The following NRXN1 variants were observed in gnomAD, a reference collection of about 807,000 sequenced individuals.
NRXN1 encodes the protein neurexin-1.
NRXN1 carries 39 observed loss-of-function variants against 150.9 expected under a neutral mutation model. The ratio of observed to expected loss-of-function variants is 0.26; its 90% CI spans 0.20 to 0.34. NRXN1 has a LOEUF of 0.34. Among genes scored for constraint, NRXN1 ranks in the 10% least tolerant of loss-of-function variants. The probability of loss-of-function intolerance (pLI) is 1.00; values close to 1 mark genes in which losing one functional copy is unlikely to be tolerated. For synonymous variants in NRXN1, 924 were observed against 757.0 expected (o/e 1.22, Z -3.62); for missense variants, 1,815 against 1,949.9 (o/e 0.93, Z 1.30).
intron 5 of NRXN1, among the ~76,000 whole-genome samples, chr2:50,803,564 G>T (rs891226135): frequency 2.0e-5 from 3 of 152,106 alleles, no homozygotes; most frequent in Admixed American, 6.5e-5. Context: ...TTCTAAGTTG[G>T]TTTAAATGCT....
At chr2:50,156,939 T>C (rs2059057899) in intron 18 of NRXN1, among the ~76,000 whole-genome samples, 1 of 152,034 alleles carries the variant, frequency 6.6e-6, no homozygotes, top group Non-Finnish European at 1.5e-5. Context: ...AAAAGAACAA[T>C]AACAACTAAT....
intron 8 of NRXN1, among the ~76,000 whole-genome samples, chr2:50,577,220 T>C (rs1416885503): frequency 6.6e-6 from 1 of 152,144 alleles, no homozygotes; most frequent in Non-Finnish European, 1.5e-5. Context: ...ACGTAAAAGA[T>C]TAAATTAGAA....
At position 50,504,772 on chromosome 2, in the gene NRXN1, A is replaced by C. The variant is rs149485186; in HGVS notation, c.2497+1723T>G. Among the ~76,000 whole-genome samples the C allele has an allele frequency of 1.8e-3, 278 of 152,304 alleles. 1 individual carries two copies. Among genetic ancestry groups the C allele is most frequent in the African/African-American group, 6.4e-3 (266 of 41,570 alleles). On this transcript the variant is annotated intron_variant, in intron 13 of 22. Transcript: ENST00000401669. ...CCTGAAAGTCTACGAAATATAAACT[A>C]CTTCATCTAGACCATCAAGTCATTG...
At chr2:50,613,212 A>G (rs1272447287) in intron 8 of NRXN1, among the ~76,000 whole-genome samples, 2 of 152,198 alleles carry the variant, frequency 1.3e-5, no homozygotes, top group African/African-American at 4.8e-5. Flanking sequence ...TGCCTATTCT[A>G]GATGGGCTAA....
chr2:50,243,010 G>A (rs1355625457), intron 17 of NRXN1, among the ~76,000 whole-genome samples: 1 of 151,768 alleles, frequency 6.6e-6, no homozygotes, highest in African/African-American at 2.4e-5. Flanking sequence ...AAGCTTTATG[G>A]AAATAGTTAA....
At chr2:50,001,233 C>T (rs566172034) in intron 21 of NRXN1, among the ~76,000 whole-genome samples, 3 of 152,156 alleles carry the variant, frequency 2.0e-5, no homozygotes, top group African/African-American at 7.2e-5. Flanking sequence ...CTTTATCTCA[C>T]AGAGAGGTTA....
chr2:51,011,225 G>A (rs1667806841), intron 2 of NRXN1, among the ~76,000 whole-genome samples: 2 of 151,774 alleles, frequency 1.3e-5, no homozygotes, highest in African/African-American at 4.8e-5. Flanking sequence ...TACTTGTTTT[G>A]TTTGACCATT....
intron 8 of NRXN1, among the ~76,000 whole-genome samples, chr2:50,555,855 G>A (rs1026387999): frequency 6.6e-6 from 1 of 152,068 alleles, no homozygotes; most frequent in African/African-American, 2.4e-5. Context: ...CCCATGCATT[G>A]GGAAATTTCA....
intron 17 of NRXN1, among the ~76,000 whole-genome samples, chr2:50,349,225 C>G (rs116498226): frequency 2.4e-3 from 364 of 152,252 alleles, no homozygotes; most frequent in East Asian, 0.012. Context: ...AAACATGATG[C>G]TTTTATCTAT....
At chr2:50,703,872 C>T (rs893297574) in intron 5 of NRXN1, among the ~76,000 whole-genome samples, 1 of 151,852 alleles carries the variant, frequency 6.6e-6, no homozygotes, top group Non-Finnish European at 1.5e-5. Flanking sequence ...AAGAAACTTG[C>T]CTAAAGTCAT....
intron 9 of NRXN1, chr2:50,547,385 A>G (rs2093518217): frequency 6.6e-6 from 1 of 152,218 alleles, no homozygotes; most frequent in South Asian, 2.1e-4. Context: ...AGAGTTTAAC[A>G]CAAATTTAAA....
chr2:50,444,632 C>A (rs2086244455), intron 17 of NRXN1, among the ~76,000 whole-genome samples: 1 of 151,490 alleles, frequency 6.6e-6, no homozygotes, highest in African/African-American at 2.4e-5. Context: ...TAAGAGGACA[C>A]CAAAAAGTCA....
intron 2 of NRXN1, among the ~76,000 whole-genome samples, chr2:50,960,809 CA>C (rs1460347494): frequency 1.3e-5 from 2 of 150,910 alleles, no homozygotes; most frequent in African/African-American, 2.4e-5. Context: ...GCAATAAAAA[CA>C]AAAAAAAGCA....
chr2:49,932,145 G>C (rs1216659669), intron 22 of NRXN1, among the ~76,000 whole-genome samples: 2 of 152,178 alleles, frequency 1.3e-5, no homozygotes, highest in Non-Finnish European at 2.9e-5. Context: ...GCTGGGCATG[G>C]TAATTCATGC....
chr2:50,355,569 T>C (rs1466647109), intron 17 of NRXN1, among the ~76,000 whole-genome samples: 1 of 152,112 alleles, frequency 6.6e-6, no homozygotes, highest in Non-Finnish European at 1.5e-5. Flanking sequence ...GTTGTTGTTG[T>C]TTTTACTTTG....
intron 15 of NRXN1, 36 bp downstream of exon 15, chr2:50,495,869 T>C (rs2091576575): frequency 6.5e-7 from 1 of 1,538,414 alleles, no homozygotes; most frequent in South Asian, 1.3e-5. Flanking sequence ...GACCGTGTGG[T>C]GCAAGGCTCG....
intron 21 of NRXN1, among the ~76,000 whole-genome samples, chr2:49,975,486 A>T (rs1322963488): frequency 6.6e-6 from 1 of 152,098 alleles, no homozygotes; most frequent in African/African-American, 2.4e-5. Context: ...CTTGGCAACT[A>T]TTTTTTTAAA....
chr2:50,668,415 C>T (rs1688372581), intron 5 of NRXN1, among the ~76,000 whole-genome samples: 1 of 151,894 alleles, frequency 6.6e-6, no homozygotes, highest in Non-Finnish European at 1.5e-5. Flanking sequence ...ATATATTCTC[C>T]AGCCAAATAT....
chr2:50,837,015 A>G (rs1559333112), intron 5 of NRXN1, among the ~76,000 whole-genome samples: 2 of 152,074 alleles, frequency 1.3e-5, no homozygotes, highest in African/African-American at 4.8e-5. Context: ...TTTCCAAAAG[A>G]GTAAATCCCT....
Sources: allele counts gnomAD v4.1 joint callset (sites outside exome capture counted in the v4.1 genomes callset), GRCh38; gene constraint gnomAD v4.1.1; transcripts MANE v1.5; gene names NCBI Gene and HGNC (gene_info 2026-07-23, HGNC 2026-07-21).